Variants in APP observed in about 807,000 individuals in gnomAD.
APP encodes amyloid-beta precursor protein.
APP carries 31 observed loss-of-function variants against 101.4 expected under a neutral mutation model. The observed-to-expected ratio is 0.31, with a 90% CI of 0.23 to 0.41. The LOEUF (loss-of-function observed/expected upper bound fraction) is 0.41, where lower values mean the gene tolerates loss of function less well. Ranked by LOEUF, APP falls within the 10% of genes least tolerant of loss-of-function variation. The probability of loss-of-function intolerance (pLI) is 1.00; values close to 1 mark genes in which losing one functional copy is unlikely to be tolerated. For missense variants in APP, 839 were observed against 1,003.7 expected (o/e 0.84, Z 2.22); for synonymous variants, 366 against 364.4 (o/e 1.00, Z -0.05).
chr21:26,032,794 G>GAA (rs67118069), intron 5 of APP, among the ~76,000 whole-genome samples: 52 of 137,710 alleles, frequency 3.8e-4, no homozygotes, highest in African/African-American at 1.2e-3. Flanking sequence ...TATTATTTTA[G>GAA]AAAAAAAAAA....
At chr21:26,130,219 T>G (rs2146270051) in intron 1 of APP, among the ~76,000 whole-genome samples, 1 of 152,370 alleles carries the variant, frequency 6.6e-6, no homozygotes, top group South Asian at 2.1e-4. Context: ...ATGTTTAAGA[T>G]ACAACAAAAC....
intron 13 of APP, among the ~76,000 whole-genome samples, chr21:25,913,108 T>G (rs563794871): frequency 6.6e-6 from 1 of 152,272 alleles, no homozygotes; most frequent in Non-Finnish European, 1.5e-5. Context: ...GATTTAAATT[T>G]GATTTGTAAC....
rs1008281141 is a variant in APP, at chr21:25,997,378, C to A, written c.1072G>T (p.Ala358Ser). 3.1e-6 allele frequency: 5 copies of A among 1,613,904 alleles called. No individual in the cohort carries two copies. The highest frequency in any genetic ancestry group is 4.2e-6 in the Non-Finnish European group (5 of 1,179,864). The change falls in exon 8 of 18, where the codon GCC (alanine) becomes TCC (serine). Residue 358 changes from alanine (A) to serine (S), a missense_variant. Transcript: ENST00000346798. ...AACGTACGTTTAACAGGATCTCGGG[C>A]AAGAGGTTCCTGGGTAGTCTTGAGT... The part of the protein sequence containing the change: ...SLLKTTQEPL[A>S]RDPVKLPTTA...
At chr21:25,935,569 C>T (rs571488936) in intron 13 of APP, among the ~76,000 whole-genome samples, 74 of 151,992 alleles carry the variant, frequency 4.9e-4, no homozygotes, top group Non-Finnish European at 8.1e-4. Flanking sequence ...GGGCTGGGCG[C>T]GGTGGCTCAC....
intron 3 of APP, among the ~76,000 whole-genome samples, chr21:26,059,518 C>T (rs965286744): frequency 1.3e-5 from 2 of 152,150 alleles, no homozygotes; most frequent in African/African-American, 4.8e-5. Flanking sequence ...TGCCTGCCAC[C>T]ACCCTCAATA....
rs193255707 is a variant in APP at position 25,960,584 on chromosome 21, G to C, written c.1459-4829C>G. ...ACGGAAACAGCTGTTACGGAGGCCT[G>C]CATTAGTGAGATTTGGCCTGCCACA... is the stretch of plus-strand genomic sequence containing the variant. On this transcript the variant is annotated intron_variant, in intron 11 of 17. Coordinates refer to ENST00000346798, the MANE Select transcript of APP (RefSeq NM_000484.4). Among the ~76,000 whole-genome samples, 55 of 152,232 alleles carry C rather than the reference G, an allele frequency of 3.6e-4. No individual in the cohort carries two copies. The East Asian group carries it at 0.011, about 29-fold the overall frequency.
At chr21:26,168,969 CTT>C (rs373991381) in intron 1 of APP, among the ~76,000 whole-genome samples, 2 of 152,084 alleles carry the variant, frequency 1.3e-5, no homozygotes, top group Non-Finnish European at 2.9e-5. Flanking sequence ...CCGGAAATTG[CTT>C]TTTTTCTTTT....
chr21:25,976,085 A>T, intron 9 of APP, 57 bp from the exon 10 acceptor site: 1 of 1,360,990 alleles, frequency 7.3e-7, no homozygotes, highest in Non-Finnish European at 1.0e-6. Flanking sequence ...TTGAATACAG[A>T]CTTAATAGGA....
chr21:25,963,450 G>A (rs577012993), intron 11 of APP, among the ~76,000 whole-genome samples: 9 of 152,062 alleles, frequency 5.9e-5, no homozygotes, highest in Non-Finnish European at 1.3e-4. Flanking sequence ...AAAAGCCCTG[G>A]GCATAATCCT....
intron 1 of APP, among the ~76,000 whole-genome samples, chr21:26,129,987 C>T (rs1343500383): frequency 6.6e-6 from 1 of 152,140 alleles, no homozygotes; most frequent in Non-Finnish European, 1.5e-5. Context: ...TTAAAAGCAA[C>T]AGGTAATTAA....
chr21:25,881,357 G>A lies in APP; in HGVS notation c.*313C>T, dbSNP rs755797592. 1 of 424,078 alleles carries A rather than the reference G, an allele frequency of 2.4e-6. No homozygotes were observed. The highest frequency in any genetic ancestry group is 4.4e-6 in the Non-Finnish European group (1 of 226,976). The allele number at this position is 424,078 out of a possible 1,614,324, so 26.3% of individuals were successfully genotyped here. On this transcript the variant is annotated 3_prime_UTR_variant, in exon 18 of 18. Coordinates refer to ENST00000346798, the MANE Select transcript of APP (RefSeq NM_000484.4). ...AGAATAATATACAACTGGCTAAGGG[G>A]CTATGTGATAAATAATCAGGAGAGA...
intron 6 of APP, among the ~76,000 whole-genome samples, chr21:26,016,753 G>A (rs1601219312): frequency 6.6e-6 from 1 of 152,136 alleles, no homozygotes; most frequent in South Asian, 2.1e-4. Context: ...TGTATCTTTA[G>A]TACAGATGGG....
At chr21:26,136,212 A>G (rs1434933192) in intron 1 of APP, among the ~76,000 whole-genome samples, 1 of 151,188 alleles carries the variant, frequency 6.6e-6, no homozygotes, top group South Asian at 2.1e-4. Context: ...AAAAGAAAAG[A>G]AAGAAAAGAA....
At chr21:25,882,652 C>G (rs1450249035) in intron 17 of APP, among the ~76,000 whole-genome samples, 1 of 151,846 alleles carries the variant, frequency 6.6e-6, no homozygotes, top group Non-Finnish European at 1.5e-5. Flanking sequence ...ATTTGTTATA[C>G]CTCTCCCCGT....
chr21:26,126,013 A>G (rs962327025), intron 1 of APP, among the ~76,000 whole-genome samples: 2 of 152,212 alleles, frequency 1.3e-5, no homozygotes, highest in Non-Finnish European at 1.5e-5. Context: ...AAACACAGAA[A>G]TAACAAACTG....
chr21:25,886,362 CA>C (rs1297805691), intron 17 of APP, among the ~76,000 whole-genome samples: 1 of 151,856 alleles, frequency 6.6e-6, no homozygotes, highest in Non-Finnish European at 1.5e-5. Context: ...AGCAATTCTT[CA>C]GGCAGGTTCA....
chr21:26,021,595 T>C (rs1354689064), intron 6 of APP, among the ~76,000 whole-genome samples: 1 of 152,174 alleles, frequency 6.6e-6, no homozygotes, highest in African/African-American at 2.4e-5. Context: ...TCTTGTAGAA[T>C]TAACTTGGGA....
chr21:25,982,143 T>C (rs1656859853), intron 9 of APP, among the ~76,000 whole-genome samples: 1 of 152,212 alleles, frequency 6.6e-6, no homozygotes, highest in South Asian at 2.1e-4. Flanking sequence ...AATCCAACTA[T>C]ACCTGGATCC....
At chr21:26,073,068 C>T (rs1163967417) in intron 3 of APP, among the ~76,000 whole-genome samples, 2 of 151,992 alleles carry the variant, frequency 1.3e-5, no homozygotes, top group Admixed American at 1.3e-4. Context: ...CTGGCCTGGA[C>T]ATAATGACTC....
Sources: gnomAD v4.1 joint callset for allele counts (sites outside exome capture counted in the v4.1 genomes callset) on GRCh38, gnomAD v4.1.1 for gene constraint, MANE v1.5 for transcripts, NCBI Gene and HGNC (gene_info 2026-07-23, HGNC 2026-07-21) for gene names.